PEX5L: variants seen among roughly 807,000 people sequenced by gnomAD.
PEX5L encodes the protein peroxisomal biogenesis factor 5 like, also known as PEX5-related protein.
Under a neutral mutation model 84.0 loss-of-function variants are expected in PEX5L, and 30 were observed. That is an observed-to-expected ratio of 0.36 (90% CI 0.27 to 0.48). PEX5L has a LOEUF of 0.48. Among genes scored for constraint, PEX5L ranks in the 20% least tolerant of loss-of-function variants. PEX5L has a pLI of 0.99. For synonymous variants in PEX5L, 270 were observed against 283.1 expected (o/e 0.95, Z 0.46); for missense variants, 533 against 754.6 (o/e 0.71, Z 3.44).
intron 2 of PEX5L, among the ~76,000 whole-genome samples, chr3:179,942,889 A>T (rs1776541676): frequency 6.6e-6 from 1 of 152,214 alleles, no homozygotes; most frequent in Non-Finnish European, 1.5e-5. Flanking sequence ...AGGCCGTATT[A>T]CTTTGGCATC....
chr3:179,819,343 C>A (rs1226118343), intron 9 of PEX5L, among the ~76,000 whole-genome samples: 1 of 152,120 alleles, frequency 6.6e-6, no homozygotes, highest in Non-Finnish European at 1.5e-5. Flanking sequence ...GGGAGTACCT[C>A]TAAGGAATCC....
chr3:180,032,015 C>G (rs1791510205), intron 1 of PEX5L, among the ~76,000 whole-genome samples: 1 of 152,122 alleles, frequency 6.6e-6, no homozygotes, highest in South Asian at 2.1e-4. Context: ...AGTATATAAA[C>G]TATTGGCCAG....
intron 2 of PEX5L, among the ~76,000 whole-genome samples, chr3:179,963,493 G>A (rs565977238): frequency 1.3e-5 from 2 of 152,038 alleles, no homozygotes; most frequent in Non-Finnish European, 2.9e-5. Context: ...ATTTTCAATG[G>A]GGAAAGTGTA....
At chr3:180,012,196 A>G (rs1247697668) in intron 1 of PEX5L, among the ~76,000 whole-genome samples, 1 of 152,204 alleles carries the variant, frequency 6.6e-6, no homozygotes, top group East Asian at 1.9e-4. Context: ...GCTTTTAGAA[A>G]CTACTCTGAG....
At position 179,800,353 on chromosome 3, in the gene PEX5L, T is replaced by C. The variant is rs1304020583; in HGVS notation, c.*1475A>G. 6.6e-6 allele frequency: 1 copy of C among 152,188 alleles called. No homozygotes were observed. The highest frequency in any genetic ancestry group is 2.4e-5 in the African/African-American group (1 of 41,444). The allele number at this position is 152,188 out of a possible 1,614,324, so 9.4% of individuals were successfully genotyped here. On this transcript the variant is annotated 3_prime_UTR_variant, in exon 15 of 15. Coordinates refer to ENST00000467460, the MANE Select transcript of PEX5L (RefSeq NM_016559.3). ...AACATAAATAAAAAGTTGTTAGGAT[T>C]AGCTACTGTGGGGAAGGTTCTAGAC...
At chr3:179,842,744 A>C (rs1304325444) in intron 8 of PEX5L, among the ~76,000 whole-genome samples, 1 of 152,156 alleles carries the variant, frequency 6.6e-6, no homozygotes, top group Non-Finnish European at 1.5e-5. Flanking sequence ...ACAAAATTAG[A>C]GGATGAAAAT....
intron 2 of PEX5L, among the ~76,000 whole-genome samples, chr3:179,931,878 A>G (rs531917079): frequency 6.6e-6 from 1 of 152,222 alleles, no homozygotes; most frequent in Non-Finnish European, 1.5e-5. Flanking sequence ...AAAGATTAAA[A>G]AGTGTGACAG....
At chr3:179,956,936 T>C (rs1780727445) in intron 2 of PEX5L, among the ~76,000 whole-genome samples, 1 of 152,160 alleles carries the variant, frequency 6.6e-6, no homozygotes, top group African/African-American at 2.4e-5. Flanking sequence ...TCCTCTTTAA[T>C]TTGATAACTT....
chr3:179,862,020 A>G (rs1056715992), intron 7 of PEX5L, among the ~76,000 whole-genome samples: 3 of 152,216 alleles, frequency 2.0e-5, no homozygotes, highest in East Asian at 1.9e-4. Flanking sequence ...TATTCTCTCA[A>G]AGTTCTGGAG....
intron 11 of PEX5L, among the ~76,000 whole-genome samples, chr3:179,811,019 C>T (rs560357021): frequency 1.4e-4 from 21 of 152,046 alleles, no homozygotes; most frequent in South Asian, 4.2e-4. Flanking sequence ...AGGCTCTGAA[C>T]GCAGGGCCAC....
At chr3:179,880,242 G>GT in intron 4 of PEX5L, 119 bp from the exon 5 acceptor site, 1 of 570,530 alleles carries the variant, frequency 1.8e-6, no homozygotes, top group Non-Finnish European at 3.0e-6. Context: ...ATAAAATTAC[G>GT]TTAGCTCATC....
intron 7 of PEX5L, among the ~76,000 whole-genome samples, chr3:179,860,710 C>G (rs1178197581): frequency 6.6e-6 from 1 of 152,202 alleles, no homozygotes; most frequent in African/African-American, 2.4e-5. Flanking sequence ...AGACACCGCT[C>G]TAAGTAATTT....
At chr3:179,912,250 C>G (rs1348195980) in intron 2 of PEX5L, among the ~76,000 whole-genome samples, 2 of 152,030 alleles carry the variant, frequency 1.3e-5, no homozygotes, top group Non-Finnish European at 2.9e-5. Context: ...TATAAATGGA[C>G]TCCCCACTAA....
chr3:179,906,837 T>G (rs1183996184), intron 2 of PEX5L, among the ~76,000 whole-genome samples: 1 of 152,190 alleles, frequency 6.6e-6, no homozygotes, highest in Non-Finnish European at 1.5e-5. Context: ...TGTACCTTAC[T>G]TGCACAAATG....
chr3:179,946,327 T>C (rs749995686), intron 2 of PEX5L, among the ~76,000 whole-genome samples: 1 of 152,158 alleles, frequency 6.6e-6, no homozygotes, highest in Non-Finnish European at 1.5e-5. Flanking sequence ...CCTTCCAAGA[T>C]TGCTGTGAAG....
At chr3:180,032,535 G>A (rs1281312824) in intron 1 of PEX5L, among the ~76,000 whole-genome samples, 3 of 152,206 alleles carry the variant, frequency 2.0e-5, no homozygotes, top group Non-Finnish European at 4.4e-5. Flanking sequence ...CCTTAGCAAA[G>A]GGTTAAGAAA....
intron 2 of PEX5L, among the ~76,000 whole-genome samples, chr3:179,958,366 A>G (rs6794331): frequency 0.74 from 112,065 of 152,094 alleles, 41,564 homozygotes; most frequent in East Asian, 0.96. Flanking sequence ...GTTGTGCAAC[A>G]CAGCAGCCCT....
At chr3:179,944,681 A>G (rs1028432691) in intron 2 of PEX5L, among the ~76,000 whole-genome samples, 2 of 152,196 alleles carry the variant, frequency 1.3e-5, no homozygotes, top group Non-Finnish European at 2.9e-5. Context: ...ATTCTGGTAA[A>G]TCTTGTAAGA....
intron 8 of PEX5L, among the ~76,000 whole-genome samples, chr3:179,846,729 C>T (rs566559231): frequency 6.6e-6 from 1 of 152,314 alleles, no homozygotes; most frequent in South Asian, 2.1e-4. Context: ...ACTCTCTCTA[C>T]CTGGTTGCTT....
Sources: gnomAD v4.1 joint callset for allele counts (sites outside exome capture counted in the v4.1 genomes callset) on GRCh38, gnomAD v4.1.1 for gene constraint, MANE v1.5 for transcripts, NCBI Gene and HGNC (gene_info 2026-07-23, HGNC 2026-07-21) for gene names.